FAT3: variants seen among roughly 807,000 people sequenced by gnomAD.
The protein encoded by FAT3 is protocadherin Fat 3.
In FAT3, 95 loss-of-function variants were observed where a neutral mutation model predicts 310.2. The observed-to-expected ratio is 0.31, with a 90% confidence interval of 0.26 to 0.36. The LOEUF is 0.36. Among genes scored for constraint, FAT3 ranks in the 10% least tolerant of loss-of-function variants. The probability of loss-of-function intolerance (pLI) is 1.00; values close to 1 mark genes in which losing one functional copy is unlikely to be tolerated. For synonymous variants in FAT3, 2,314 were observed against 2,192.9 expected, an observed-to-expected ratio of 1.06 and a Z score of -1.54; for missense variants, 5,408 against 5,715.6, an observed-to-expected ratio of 0.95 and a Z score of 1.74.
At chr11:92,535,741 T>A (rs932064623) in intron 3 of FAT3, among the ~76,000 whole-genome samples, 1 of 152,144 alleles carries the variant, frequency 6.6e-6, no homozygotes, top group Non-Finnish European at 1.5e-5. Context: ...AGTCTCTCAT[T>A]GTTTCTAAGT....
chr11:92,868,778 T>G (rs1949310085), intron 22 of FAT3, among the ~76,000 whole-genome samples: 1 of 152,204 alleles, frequency 6.6e-6, no homozygotes, highest in African/African-American at 2.4e-5. Context: ...TGCTTTGCAG[T>G]GTGCATTTTA....
chr11:92,318,919 T>C (rs1227555599), intron 1 of FAT3, among the ~76,000 whole-genome samples: 3 of 152,334 alleles, frequency 2.0e-5, no homozygotes, highest in South Asian at 4.1e-4. Context: ...AAAGAGTCCA[T>C]GTGCTGAATG....
chr11:92,754,363 C>T (rs958438939), intron 4 of FAT3, among the ~76,000 whole-genome samples: 14 of 151,860 alleles, frequency 9.2e-5, no homozygotes, highest in South Asian at 2.1e-4. Flanking sequence ...CGATGGCTCA[C>T]GCCTGTAATA....
In FAT3 at chr11:92,881,026, C is replaced by T. The variant is rs536445565; in HGVS notation, c.12281+142C>T. On this transcript the variant is annotated intron_variant, in intron 23 of 27. Coordinates refer to ENST00000525166, the MANE Select transcript of FAT3 (RefSeq NM_001367949.2). ...ATCTGCACGATACGTATAAGGAGTG[C>T]TTACAGGTGACTAAAATGTTAATAG... 8.2e-5 allele frequency: 71 copies of T among 863,678 alleles called. No homozygotes were observed. The South Asian group carries it at 1.2e-3, about 14-fold the overall frequency. The allele number at this position is 863,678 out of a possible 1,614,324, so 53.5% of individuals were successfully genotyped here.
chr11:92,265,247 A>G (rs1050931512), intron 1 of FAT3, among the ~76,000 whole-genome samples: 1 of 151,700 alleles, frequency 6.6e-6, no homozygotes, highest in African/African-American at 2.4e-5. Flanking sequence ...GCTTGACTAG[A>G]CTAGGAACAA....
rs188525894 is a variant in FAT3, at chr11:92,718,615, A to T, written c.3669+21170A>T. Among the ~76,000 whole-genome samples the T allele has an allele frequency of 6.3e-3, 955 of 152,254 alleles. 9 individuals are homozygous for T. Among genetic ancestry groups the T allele is most frequent in the African/African-American group, 0.022 (908 of 41,550 alleles). On this transcript the variant is annotated intron_variant, in intron 4 of 27. Transcript: ENST00000525166. ...TATATAGCATCTGAAATTATTATTT[A>T]AAAATATTTATTCTTTATTTCTCTA... is the stretch of plus-strand genomic sequence containing the variant.
At chr11:92,756,430 C>A (rs1945992343) in intron 4 of FAT3, among the ~76,000 whole-genome samples, 1 of 152,042 alleles carries the variant, frequency 6.6e-6, no homozygotes, top group South Asian at 2.1e-4. Context: ...TAGGAGCAGA[C>A]CACTGTATAA....
chr11:92,231,015 G>A (rs1219328311), intron 1 of FAT3, among the ~76,000 whole-genome samples: 1 of 152,224 alleles, frequency 6.6e-6, no homozygotes, highest in Non-Finnish European at 1.5e-5. Flanking sequence ...TATTCATGGG[G>A]CAGCCCAAAT....
At chr11:92,830,616 A>G (rs1233174595) in intron 13 of FAT3, among the ~76,000 whole-genome samples, 1 of 151,942 alleles carries the variant, frequency 6.6e-6, no homozygotes, top group Non-Finnish European at 1.5e-5. Flanking sequence ...AGCCTCTTCT[A>G]TCTAACTTCC....
At chr11:92,235,283 C>T (rs1056568581) in intron 1 of FAT3, among the ~76,000 whole-genome samples, 1 of 152,162 alleles carries the variant, frequency 6.6e-6, no homozygotes, top group Non-Finnish European at 1.5e-5. Context: ...TCTCTCCCAA[C>T]CCTCTCTAGT....
chr11:92,772,451 A>G (rs1025272744), intron 6 of FAT3, among the ~76,000 whole-genome samples: 9 of 152,028 alleles, frequency 5.9e-5, no homozygotes, highest in African/African-American at 2.2e-4. Flanking sequence ...AACATGAAAC[A>G]TTCCCTTTGA....
chr11:92,358,203 T>A (rs947623024), intron 2 of FAT3, among the ~76,000 whole-genome samples: 28 of 151,862 alleles, frequency 1.8e-4, no homozygotes, highest in African/African-American at 6.8e-4. Flanking sequence ...AAAATAAAAA[T>A]AAAAACTTTT....
chr11:92,842,413 C>T (rs1206880206), intron 18 of FAT3, among the ~76,000 whole-genome samples: 7 of 152,218 alleles, frequency 4.6e-5, no homozygotes, highest in Non-Finnish European at 1.0e-4. Flanking sequence ...CGGGCAACCT[C>T]TGGCCTATAA....
chr11:92,509,010 G>T (rs1591381258), intron 2 of FAT3, among the ~76,000 whole-genome samples: 2 of 152,098 alleles, frequency 1.3e-5, no homozygotes, highest in South Asian at 2.1e-4. Flanking sequence ...CTTCTCAGCA[G>T]AATTTTCAGC....
chr11:92,260,519 C>T (rs1340126058), intron 1 of FAT3, among the ~76,000 whole-genome samples: 3 of 152,058 alleles, frequency 2.0e-5, no homozygotes, highest in Non-Finnish European at 2.9e-5. Flanking sequence ...TCTTTATAAA[C>T]TCCCACTTTT....
chr11:92,481,315 A>T (rs1441365812), intron 2 of FAT3, among the ~76,000 whole-genome samples: 1 of 109,686 alleles, frequency 9.1e-6, no homozygotes, highest in Non-Finnish European at 1.8e-5. Flanking sequence ...TATATTATTT[A>T]TTGGGATGCT....
At position 92,798,555 on chromosome 11, in the gene FAT3, C is replaced by T; in HGVS notation, c.5542C>T (p.His1848Tyr). ...NLDHETIAHF[H>Y]FHVHVRDSGS... Reference sequence around the variant, plus strand: ...GGACCATGAAACCATTGCCCATTTCCATTTTCATGTGCATGTGAGAGACAG... The same window carrying T: ...GGACCATGAAACCATTGCCCATTTCTATTTTCATGTGCATGTGAGAGACAG... The change falls in exon 10 of 28, where the codon CAT (histidine) becomes TAT (tyrosine). Residue 1848 changes from histidine (H) to tyrosine (Y), a missense_variant. His to Tyr is a moderately conservative substitution (Grantham distance 83). Coordinates refer to ENST00000525166, the MANE Select transcript of FAT3 (RefSeq NM_001367949.2). 2 of 1,613,660 alleles carry T rather than the reference C, an allele frequency of 1.2e-6. No individual in the cohort carries two copies. The highest frequency in any genetic ancestry group is 8.5e-7 in the Non-Finnish European group (1 of 1,179,674).
chr11:92,469,690 T>A lies in FAT3; in HGVS notation c.3293-54944T>A, dbSNP rs188926634. On this transcript the variant is annotated intron_variant, in intron 2 of 27. Transcript: ENST00000525166. Reference sequence around the variant, plus strand: ...CCACCATGCCTAGCTAATTTTTTTTTATTTTTAGTAGAGATGGGGTTTCAT... The same window carrying A: ...CCACCATGCCTAGCTAATTTTTTTTAATTTTTAGTAGAGATGGGGTTTCAT... Among the ~76,000 whole-genome samples the A allele has an allele frequency of 1.9e-3, 292 of 152,120 alleles. 1 individual carries two copies. The highest frequency in any genetic ancestry group is 3.0e-3 in the Non-Finnish European group (207 of 67,978).
chr11:92,772,888 T>C (rs564408074), intron 6 of FAT3, among the ~76,000 whole-genome samples: 20 of 152,162 alleles, frequency 1.3e-4, no homozygotes, highest in Non-Finnish European at 2.5e-4. Flanking sequence ...TCGTAACTGT[T>C]ATATAAAAGT....
Sources: gnomAD v4.1 joint callset for allele counts (sites outside exome capture counted in the v4.1 genomes callset) on GRCh38, gnomAD v4.1.1 for gene constraint, MANE v1.5 for transcripts, NCBI Gene and HGNC (gene_info 2026-07-23, HGNC 2026-07-21) for gene names.